Variants in PLPP3 observed in about 807,000 individuals in gnomAD.
PLPP3 encodes PAP2 beta.
A neutral mutation model predicts 29.6 loss-of-function variants in PLPP3; 6 were observed. The observed-to-expected ratio is 0.20, with a 90% CI of 0.11 to 0.40. The LOEUF is 0.40. PLPP3 is among the 10% of genes least tolerant of loss of function. PLPP3 has a pLI of 1.00. For missense variants in PLPP3, 308 were observed against 407.7 expected (o/e 0.76, Z 2.11); for synonymous variants, 152 against 159.7 (o/e 0.95, Z 0.36).
intron 1 of PLPP3, among the ~76,000 whole-genome samples, chr1:56,560,802 CA>C (rs1170928713): frequency 1.3e-5 from 2 of 149,306 alleles, no homozygotes; most frequent in African/African-American, 2.5e-5. Flanking sequence ...GTTTTCCCTT[CA>C]GGGGGTTTTC....
At chr1:56,557,775 C>T (rs143139054) in intron 1 of PLPP3, among the ~76,000 whole-genome samples, 5 of 152,294 alleles carry the variant, frequency 3.3e-5, no homozygotes, top group South Asian at 2.1e-4. Context: ...AACCAACTTT[C>T]GAGGGTTTTG....
chr1:56,541,329 G>C (rs1160149169), intron 1 of PLPP3, among the ~76,000 whole-genome samples: 1 of 152,210 alleles, frequency 6.6e-6, no homozygotes, highest in African/African-American at 2.4e-5. Context: ...TATAGAGCTA[G>C]AGGAGATGAA....
chr1:56,557,999 G>C (rs574208575), intron 1 of PLPP3, among the ~76,000 whole-genome samples: 5 of 152,264 alleles, frequency 3.3e-5, no homozygotes, highest in African/African-American at 1.2e-4. Flanking sequence ...TGAGAACTCT[G>C]ATGCCTTGGC....
chr1:56,519,222 ACCT>A (rs1645802715), intron 4 of PLPP3, among the ~76,000 whole-genome samples: 1 of 151,402 alleles, frequency 6.6e-6, no homozygotes, highest in Admixed American at 6.6e-5. Context: ...TCTCCAAATC[ACCT>A]CCTCCTTTTC....
At chr1:56,519,206 T>C (rs909203278) in intron 4 of PLPP3, among the ~76,000 whole-genome samples, 2 of 152,166 alleles carry the variant, frequency 1.3e-5, no homozygotes, top group African/African-American at 4.8e-5. Context: ...ACTGAATACC[T>C]GCAGTTCTCC....
intron 1 of PLPP3, among the ~76,000 whole-genome samples, chr1:56,540,572 T>C (rs1319415238): frequency 1.3e-5 from 2 of 152,220 alleles, no homozygotes; most frequent in African/African-American, 4.8e-5. Flanking sequence ...TTTCCGGTTC[T>C]GATTATGTGG....
Position 56,537,115 on chromosome 1 carries a change from G to A in PLPP3, c.140-3C>T, listed in dbSNP as rs2100266032. On this transcript the variant is annotated splice_region_variant and splice_polypyrimidine_tract_variant and intron_variant, in intron 1 of 5. Coordinates refer to ENST00000371250, the MANE Select transcript of PLPP3 (RefSeq NM_003713.5). Reference sequence around the variant, plus strand: ...GATGATGAGGAAGGGGAGGCCCGCTGGTCCAGGTGGAACCATGGCATATAC... The same window carrying A: ...GATGATGAGGAAGGGGAGGCCCGCTAGTCCAGGTGGAACCATGGCATATAC... 1 of 1,613,276 alleles carries A rather than the reference G, an allele frequency of 6.2e-7. No homozygotes were observed. The highest frequency in any genetic ancestry group is 8.5e-7 in the Non-Finnish European group (1 of 1,179,640).
chr1:56,548,078 T>C (rs1646017079), intron 1 of PLPP3, among the ~76,000 whole-genome samples: 1 of 152,196 alleles, frequency 6.6e-6, no homozygotes, highest in Non-Finnish European at 1.5e-5. Context: ...ACTAAGGTGG[T>C]TGGAGTAACC....
chr1:56,578,814 G>A (rs752491483), intron 1 of PLPP3, 64 bp downstream of exon 1: 71 of 1,455,828 alleles, frequency 4.9e-5, no homozygotes, highest in Non-Finnish European at 6.0e-5. Flanking sequence ...GCCCCGGACT[G>A]GGCTGGGACG....
intron 1 of PLPP3, among the ~76,000 whole-genome samples, chr1:56,574,074 C>G (rs1165644621): frequency 6.6e-6 from 1 of 151,902 alleles, no homozygotes; most frequent in Admixed American, 6.6e-5. Context: ...GTGGCACGTG[C>G]CTGTAGTCCC....
intron 4 of PLPP3, among the ~76,000 whole-genome samples, chr1:56,519,577 A>G (rs938680071): frequency 6.6e-6 from 1 of 152,086 alleles, no homozygotes; most frequent in African/African-American, 2.4e-5. Flanking sequence ...GCAGACATTC[A>G]GCTGCATGAA....
chr1:56,566,857 G>A (rs533899561), intron 1 of PLPP3, among the ~76,000 whole-genome samples: 1 of 152,182 alleles, frequency 6.6e-6, no homozygotes, highest in East Asian at 1.9e-4. Context: ...TTGGCATCCA[G>A]CACATGAGTC....
chr1:56,556,986 GAA>G (rs1284403891), intron 1 of PLPP3, among the ~76,000 whole-genome samples: 283 of 6,570 alleles, frequency 0.043, 27 homozygotes, highest in African/African-American at 0.1. Context: ...AAGAAAGAAA[GAA>G]AGAAAGAAAG....
At chr1:56,515,774 T>C (rs1645776752) in intron 4 of PLPP3, among the ~76,000 whole-genome samples, 1 of 152,200 alleles carries the variant, frequency 6.6e-6, no homozygotes, top group Non-Finnish European at 1.5e-5. Flanking sequence ...AGTGCAATAG[T>C]AAAGTGCATT....
chr1:56,504,633 A>AAC (rs1158466172), intron 5 of PLPP3, among the ~76,000 whole-genome samples: 1 of 152,158 alleles, frequency 6.6e-6, no homozygotes, highest in African/African-American at 2.4e-5. Context: ...AGGGTCACAA[A>AAC]ACATATCATG....
intron 2 of PLPP3, among the ~76,000 whole-genome samples, chr1:56,529,806 G>T (rs563931822): frequency 6.6e-6 from 1 of 152,110 alleles, no homozygotes. Context: ...TGAAGACATA[G>T]ATCTGTCCAA....
chr1:56,533,624 C>T (rs1030522624), intron 2 of PLPP3, among the ~76,000 whole-genome samples: 4 of 152,104 alleles, frequency 2.6e-5, no homozygotes, highest in African/African-American at 4.8e-5. Context: ...CAAAGAAGAG[C>T]GTGCACATAA....
chr1:56,528,657 T>C (rs1320131707), intron 2 of PLPP3, among the ~76,000 whole-genome samples: 3 of 151,916 alleles, frequency 2.0e-5, no homozygotes, highest in African/African-American at 7.3e-5. Flanking sequence ...AACTTTTTTC[T>C]TCCCTCCATT....
At chr1:56,531,106 T>C (rs984292655) in intron 2 of PLPP3, among the ~76,000 whole-genome samples, 3 of 152,192 alleles carry the variant, frequency 2.0e-5, no homozygotes, top group African/African-American at 7.2e-5. Flanking sequence ...GTGAAAATTA[T>C]ATGAGACGAG....
Sources: allele counts gnomAD v4.1 joint callset (sites outside exome capture counted in the v4.1 genomes callset), GRCh38; gene constraint gnomAD v4.1.1; transcripts MANE v1.5; gene names NCBI Gene and HGNC (gene_info 2026-07-23, HGNC 2026-07-21).